CMSS1: variants seen among roughly 807,000 people sequenced by gnomAD.
The protein encoded by CMSS1 is cms1 ribosomal small subunit homolog.
CMSS1 carries 33 observed loss-of-function variants against 43.5 expected under a neutral mutation model. The observed-to-expected ratio is 0.76, with a 90% CI of 0.57 to 1.01. The LOEUF (loss-of-function observed/expected upper bound fraction) is 1.01. CMSS1 is among the 50% of genes least tolerant of loss of function. The pLI, the probability that CMSS1 is intolerant of heterozygous loss-of-function variation, is 0.00. For synonymous variants in CMSS1, 115 were observed against 117.2 expected (o/e 0.98, Z 0.12); for missense variants, 313 against 326.4 (o/e 0.96, Z 0.32).
At chr3:100,087,832 CTTTTTTTTTT>C (rs755041519) in intron 1 of CMSS1, among the ~76,000 whole-genome samples, 3 of 114,122 alleles carry the variant, frequency 2.6e-5, no homozygotes, top group African/African-American at 9.6e-5. Context: ...ATTGTTTCAA[CTTTTTTTTTT>C]TTTTTTTTTT....
chr3:100,098,911 C>T (rs2066258362), intron 1 of CMSS1, among the ~76,000 whole-genome samples: 1 of 152,210 alleles, frequency 6.6e-6, no homozygotes, highest in African/African-American at 2.4e-5. Flanking sequence ...GAACTAGATA[C>T]TTCTCAATTT....
At chr3:99,949,618 A>G (rs1485432543) in intron 1 of CMSS1, among the ~76,000 whole-genome samples, 1 of 152,210 alleles carries the variant, frequency 6.6e-6, no homozygotes, top group Non-Finnish European at 1.5e-5. Context: ...AGTACTTAAT[A>G]TTTTCCTAAG....
chr3:100,056,997 C>G (rs1436120839), intron 1 of CMSS1, among the ~76,000 whole-genome samples: 3 of 151,806 alleles, frequency 2.0e-5, no homozygotes, highest in African/African-American at 4.8e-5. Context: ...GAGCGAGACT[C>G]TGTCTCAAAA....
chr3:100,072,760 G>T (rs2065784252), intron 1 of CMSS1, among the ~76,000 whole-genome samples: 1 of 152,226 alleles, frequency 6.6e-6, no homozygotes, highest in South Asian at 2.1e-4. Context: ...ATAATGTATA[G>T]TTATTTAATT....
At chr3:99,992,008 G>A (rs1709537207) in intron 1 of CMSS1, among the ~76,000 whole-genome samples, 1 of 147,836 alleles carries the variant, frequency 6.8e-6, no homozygotes, top group African/African-American at 2.5e-5. Context: ...ATATATGTGT[G>A]TGTGTATATA....
intron 1 of CMSS1, among the ~76,000 whole-genome samples, chr3:100,077,360 G>A (rs535667994): frequency 6.6e-6 from 1 of 152,336 alleles, no homozygotes; most frequent in African/African-American, 2.4e-5. Flanking sequence ...AAGCAAGTAT[G>A]TTTGTACTTC....
At position 99,851,127 on chromosome 3, in the gene CMSS1, T is replaced by G. The variant is rs1026423935; in HGVS notation, c.64+33084T>G. The stretch of plus-strand genomic sequence containing the variant: ...ATTGATGCTTTAGTAACTCATCGAA[T>G]GTACTTAAATATATATGTAATTTAG... On this transcript the variant is annotated intron_variant, in intron 1 of 9. Coordinates refer to ENST00000421999, the MANE Select transcript of CMSS1 (RefSeq NM_032359.4). The G allele has an allele frequency of 1.1e-5, 14 of 1,323,186 alleles. No individual in the cohort carries two copies. The African/African-American group carries it at 1.5e-4, about 14-fold the overall frequency. 82.0% of individuals were successfully genotyped at this position (1,323,186 alleles called of 1,614,324 possible).
intron 1 of CMSS1, among the ~76,000 whole-genome samples, chr3:99,888,518 C>T (rs963630407): frequency 3.9e-5 from 6 of 152,166 alleles, no homozygotes; most frequent in African/African-American, 9.7e-5. Context: ...AACAAAAGCA[C>T]CCCTGAATAT....
intron 1 of CMSS1, among the ~76,000 whole-genome samples, chr3:100,108,003 G>T (rs1427613524): frequency 6.6e-6 from 1 of 151,964 alleles, no homozygotes; most frequent in Non-Finnish European, 1.5e-5. Context: ...CAATTTTCTG[G>T]GATTTTTCTT....
intron 1 of CMSS1, among the ~76,000 whole-genome samples, chr3:100,034,849 A>G (rs1469243420): frequency 6.6e-6 from 1 of 152,222 alleles, no homozygotes; most frequent in African/African-American, 2.4e-5. Context: ...CGGTATATAC[A>G]TACGAATATA....
At chr3:99,983,468 A>ATATATATATGTG (rs1709221958) in intron 1 of CMSS1, among the ~76,000 whole-genome samples, 1 of 6,362 alleles carries the variant, frequency 1.6e-4, no homozygotes, top group Non-Finnish European at 3.3e-4. Flanking sequence ...ATGTGTGTAT[A>ATATATATATGTG]TATATATATA....
chr3:99,911,605 C>T (rs1169708955), intron 1 of CMSS1, among the ~76,000 whole-genome samples: 1 of 152,106 alleles, frequency 6.6e-6, no homozygotes, highest in Admixed American at 6.6e-5. Context: ...TTTAATGTAC[C>T]TGTGAGTGCA....
At chr3:99,885,760 A>G (rs551256039) in intron 1 of CMSS1, among the ~76,000 whole-genome samples, 86 of 152,308 alleles carry the variant, frequency 5.6e-4, no homozygotes, top group African/African-American at 1.6e-3. Flanking sequence ...TCTCTGCCCA[A>G]AAGACACACA....
chr3:99,938,778 C>G (rs1383744258), intron 1 of CMSS1, among the ~76,000 whole-genome samples: 1 of 152,014 alleles, frequency 6.6e-6, no homozygotes, highest in African/African-American at 2.4e-5. Context: ...CCAGGTTGTG[C>G]TCACATGGCC....
chr3:100,090,925 A>G (rs558912438), intron 1 of CMSS1, among the ~76,000 whole-genome samples: 1 of 152,326 alleles, frequency 6.6e-6, no homozygotes, highest in African/African-American at 2.4e-5. Context: ...GAGGTTAAAC[A>G]TTTCAAAGTA....
At position 100,092,939 on chromosome 3, in the gene CMSS1, C is replaced by A. The variant is rs141884848; in HGVS notation, c.65-54034C>A. On this transcript the variant is annotated intron_variant, in intron 1 of 9. Coordinates refer to ENST00000421999, the MANE Select transcript of CMSS1 (RefSeq NM_032359.4). Reference sequence around the variant, plus strand: ...TTTAGCTATCTATAAATATGACATTCTCCTGGATACACATAACTCTCACTA... The same window carrying A: ...TTTAGCTATCTATAAATATGACATTATCCTGGATACACATAACTCTCACTA... Among the ~76,000 whole-genome samples, 453 of 151,916 alleles carry A rather than the reference C, an allele frequency of 3.0e-3. 3 individuals carry two copies. Among genetic ancestry groups the A allele is most frequent in the Middle Eastern group, 0.014 (4 of 294 alleles).
intron 1 of CMSS1, among the ~76,000 whole-genome samples, chr3:99,966,701 A>G (rs1708663507): frequency 6.6e-6 from 1 of 152,226 alleles, no homozygotes; most frequent in South Asian, 2.1e-4. Flanking sequence ...GTGGATGAAA[A>G]TAGAATCATT....
intron 1 of CMSS1, chr3:99,930,864 C>T: frequency 6.2e-7 from 1 of 1,612,996 alleles, no homozygotes. Context: ...GGCTTCTCTG[C>T]CTTGGGACAC....
intron 1 of CMSS1, among the ~76,000 whole-genome samples, chr3:100,068,309 A>G (rs2065700823): frequency 6.6e-6 from 1 of 152,002 alleles, no homozygotes; most frequent in Non-Finnish European, 1.5e-5. Flanking sequence ...ATAAACCTGG[A>G]TGGATGCATA....
Sources: allele counts gnomAD v4.1 joint callset (sites outside exome capture counted in the v4.1 genomes callset), GRCh38; gene constraint gnomAD v4.1.1; transcripts MANE v1.5; gene names NCBI Gene and HGNC (gene_info 2026-07-23, HGNC 2026-07-21).